TAS1R2: variants seen among roughly 807,000 people sequenced by gnomAD.
TAS1R2 encodes taste receptor type 1 member 2.
In TAS1R2, 47 loss-of-function variants were observed where a neutral mutation model predicts 49.3. The ratio of observed to expected loss-of-function variants is 0.95; its 90% CI spans 0.75 to 1.22. TAS1R2 has a LOEUF of 1.22. TAS1R2 is among the 50% of genes most tolerant of loss of function. TAS1R2 has a pLI of 0.00. For synonymous variants in TAS1R2, 479 were observed against 467.9 expected (o/e 1.02, Z -0.31); for missense variants, 1,155 against 1,122.1 (o/e 1.03, Z -0.42).
intron 1 of TAS1R2, among the ~76,000 whole-genome samples, chr1:18,858,798 C>A (rs1934187574): frequency 6.6e-6 from 1 of 152,210 alleles, no homozygotes; most frequent in Admixed American, 6.5e-5. Context: ...ATATAATCTT[C>A]CCCAGTGTCA....
intron 4 of TAS1R2, among the ~76,000 whole-genome samples, chr1:18,845,840 C>A (rs536489233): frequency 6.6e-6 from 1 of 152,122 alleles, no homozygotes; most frequent in Non-Finnish European, 1.5e-5. Flanking sequence ...AGGTCTGGAT[C>A]ACCCCCCAGG....
At chr1:18,857,708 C>T in intron 1 of TAS1R2, 77 bp from the exon 2 acceptor site, 12 of 1,485,314 alleles carry the variant, frequency 8.1e-6, no homozygotes, top group Non-Finnish European at 1.1e-5. Flanking sequence ...CAGCCCACTC[C>T]TCCTTCCTGC....
At chr1:18,840,379 G>A (rs150893486) in exon 6 of TAS1R2, 1 of 1,614,042 alleles carries the variant, frequency 6.2e-7, no homozygotes, top group African/African-American at 1.3e-5. Flanking sequence ...GGATGGCCAG[G>A]GTGCTGAGGA....
chr1:18,856,746 G>A (rs936721432), intron 2 of TAS1R2, among the ~76,000 whole-genome samples: 5 of 152,144 alleles, frequency 3.3e-5, no homozygotes, highest in African/African-American at 1.2e-4. Flanking sequence ...TCTTTTGCTA[G>A]CTGATCTTTA....
exon 2 of TAS1R2, chr1:18,857,484 C>A: frequency 6.2e-7 from 1 of 1,614,172 alleles, no homozygotes; most frequent in Non-Finnish European, 8.5e-7. Context: ...AGTAGAGCAC[C>A]GGCTGGACAT....
exon 6 of TAS1R2, chr1:18,839,780 A>G (rs1933780347): frequency 6.2e-7 from 1 of 1,614,252 alleles, no homozygotes; most frequent in South Asian, 1.1e-5. Context: ...GTAGGCAGAC[A>G]TGAAGGTGCA....
chr1:18,857,645 A>G lies in TAS1R2; in HGVS notation c.183-14T>C. Reference sequence around the variant, plus strand: ...TTCACTTCATACCTGGAGGGGCCACAGCATCATGAGGTGGAAGCAGATCCA... The same window carrying G: ...TTCACTTCATACCTGGAGGGGCCACGGCATCATGAGGTGGAAGCAGATCCA... On this transcript the variant is annotated splice_polypyrimidine_tract_variant and intron_variant, in intron 1 of 5. Coordinates refer to ENST00000375371, the Ensembl canonical transcript of TAS1R2. 6.2e-7 allele frequency: 1 copy of G among 1,606,346 alleles called. No homozygotes were observed. Among genetic ancestry groups the G allele is most frequent in the Non-Finnish European group, 8.5e-7 (1 of 1,175,808 alleles).
At chr1:18,853,968 C>T (rs1934078654) in intron 3 of TAS1R2, among the ~76,000 whole-genome samples, 5 of 152,224 alleles carry the variant, frequency 3.3e-5, no homozygotes, top group Admixed American at 3.3e-4. Context: ...GGGGGCGCTG[C>T]CGTTCCCACT....
chr1:18,851,503 G>GT (rs1398653339), intron 3 of TAS1R2, among the ~76,000 whole-genome samples: 8 of 152,014 alleles, frequency 5.3e-5, no homozygotes, highest in African/African-American at 1.9e-4. Flanking sequence ...CTAATTTTTT[G>GT]TTTTTTTAGT....
Position 18,854,101 on chromosome 1 carries a change from G to A in TAS1R2, c.1257+112C>T. 2 of 1,058,222 alleles carry A rather than the reference G, an allele frequency of 1.9e-6. No individual in the cohort carries two copies. Among genetic ancestry groups the A allele is most frequent in the South Asian group, 3.3e-5 (2 of 60,984 alleles). 65.6% of individuals were successfully genotyped at this position (1,058,222 alleles called of 1,614,324 possible). A position where few individuals can be genotyped will look rare whatever the true frequency, so the allele number is the denominator to read the frequency against. ...TGTTTTGGCACCAGGAAGGACTAGT[G>A]CTATGTGTCTGGAAGAATGGGATAC... On this transcript the variant is annotated intron_variant, in intron 3 of 5. Coordinates refer to ENST00000375371, the Ensembl canonical transcript of TAS1R2. The surrounding 1 kb of genome is among the most constrained non-coding windows in gnomAD (Gnocchi z 4.9).
At chr1:18,841,817 T>G in exon 5 of TAS1R2, 4 of 1,613,128 alleles carry the variant, frequency 2.5e-6, no homozygotes, top group Non-Finnish European at 3.4e-6. Context: ...TCTTTTGCCC[T>G]GACTGGCACC....
intron 4 of TAS1R2, 28 bp downstream of exon 4, chr1:18,849,313 T>C: frequency 1.2e-6 from 2 of 1,611,882 alleles, no homozygotes; most frequent in South Asian, 1.1e-5. Flanking sequence ...GCCCCAGGCC[T>C]GCCCACCCAC....
Position 18,844,973 on chromosome 1 carries a change from G to A in TAS1R2, c.1468-3121C>T, listed in dbSNP as rs1933891424. 2.0e-5 allele frequency among the ~76,000 whole-genome samples: 3 copies of A among 152,154 alleles called. No individual in the cohort carries two copies. The East Asian group carries it at 5.8e-4, about 29-fold the overall frequency. ...ATTCCAGCATCAGAGACCCACCCAT[G>A]CTGAGCCCTTGACTTGATACAATTC... On this transcript the variant is annotated intron_variant, in intron 4 of 5. Transcript: ENST00000375371.
At position 18,855,008 on chromosome 1, in the gene TAS1R2, C is replaced by CA. The variant is rs749841442; in HGVS notation, c.484-23dup. 4.4e-6 allele frequency: 7 copies of CA among 1,591,488 alleles called. No individual in the cohort carries two copies. In the East Asian group the frequency reaches 1.6e-4, roughly 36 times the overall value. The stretch of plus-strand genomic sequence containing the variant: ...TGATCTGCAAGGGGAAGGGCTGTGG[C>CA]ATGAGCGAGTGCCCCGCTGGGTGCT... On this transcript the variant is annotated intron_variant, in intron 2 of 5. Coordinates refer to ENST00000375371, the Ensembl canonical transcript of TAS1R2.
intron 5 of TAS1R2, among the ~76,000 whole-genome samples, 194 bp downstream of exon 5, chr1:18,841,535 A>G (rs1164181822): frequency 3.3e-5 from 5 of 151,870 alleles, no homozygotes; most frequent in African/African-American, 9.7e-5. Flanking sequence ...AGCAGCCTGT[A>G]TGGAGGATTT....
Position 18,854,372 on chromosome 1 carries a change from G to A in TAS1R2, c.1098C>T (p.Cys366=), listed in dbSNP as rs1314282330. 2 of 1,613,908 alleles carry A rather than the reference G, an allele frequency of 1.2e-6. No homozygotes were observed. The highest frequency in any genetic ancestry group is 1.7e-6 in the Non-Finnish European group (2 of 1,179,914). Residue 366 remains cysteine, a synonymous_variant, in exon 3 of 6, where the codon TGC becomes TGT. Coordinates refer to ENST00000375371, the Ensembl canonical transcript of TAS1R2. The surrounding 1 kb of genome is among the most constrained non-coding windows in gnomAD (Gnocchi z 4.9). ...TGTTGAAGGACAAGGTGGCGTTCAG[G>A]CAGTTGTCGCACTCCTGGTTGCAGG... is the stretch of plus-strand genomic sequence containing the variant.
chr1:18,846,019 C>T (rs972241631), intron 4 of TAS1R2, among the ~76,000 whole-genome samples: 2 of 152,254 alleles, frequency 1.3e-5, no homozygotes, highest in Admixed American at 6.5e-5. Flanking sequence ...TGTGACTCCT[C>T]AGGCTCAAGG....
chr1:18,854,905 G>T lies in TAS1R2; in HGVS notation c.565C>A (p.His189Asn). The T allele has an allele frequency of 6.2e-7, 1 of 1,613,402 alleles. No individual in the cohort carries two copies. The highest frequency in any genetic ancestry group is 8.5e-7 in the Non-Finnish European group (1 of 1,179,808). Reference sequence around the variant, plus strand: ...AGCTGCACCATGGCCTCGATGTGGTGGTCGGCGCTGGGTGTGGTACGCAGC... The same window carrying T: ...AGCTGCACCATGGCCTCGATGTGGTTGTCGGCGCTGGGTGTGGTACGCAGC... Residue 189 changes from histidine (H) to asparagine (N), a missense_variant, in exon 3 of 6, where the codon CAC (histidine) becomes AAC (asparagine). His to Asn is a moderately conservative substitution (Grantham distance 68). Transcript: ENST00000375371. This position sits in a 1 kb window ranked among gnomAD's most constrained non-coding sequence, Gnocchi z 4.9.
Position 18,840,082 on chromosome 1 carries a change from G to C in TAS1R2, c.2037C>G (p.Tyr679Ter). The C allele has an allele frequency of 6.2e-7, 1 of 1,614,244 alleles. No individual in the cohort carries two copies. The highest frequency in any genetic ancestry group is 1.6e-4 in the Middle Eastern group (1 of 6,062). Residue 679 changes from tyrosine to a stop codon, truncating the protein, a stop_gained, in exon 6 of 6, where the codon TAC (tyrosine) becomes TAG (stop). Transcript: ENST00000375371. LOFTEE classifies it low-confidence loss of function (END_TRUNC). ...GTACCGTGATAAATGCCATAGAGAC[G>C]TAGGGCCCCTGGTAGCGGACCCAGT... is the stretch of plus-strand genomic sequence containing the variant.
Sources: gnomAD v4.1 joint callset for allele counts (sites outside exome capture counted in the v4.1 genomes callset) on GRCh38, gnomAD v4.1.1 for gene constraint, Gnocchi (gnomAD v3.1) non-coding constraint, MANE v1.5 for transcripts, NCBI Gene and HGNC (gene_info 2026-07-23, HGNC 2026-07-21) for gene names.